DRD2: variants seen among roughly 807,000 people sequenced by gnomAD.
The protein encoded by DRD2 is dopamine receptor D2.
A neutral mutation model predicts 38.0 loss-of-function variants in DRD2; 8 were observed. The observed-to-expected ratio is 0.21, with a 90% CI of 0.12 to 0.38. The LOEUF (loss-of-function observed/expected upper bound fraction) is 0.38, where lower values mean the gene tolerates loss of function less well. Among genes scored for constraint, DRD2 ranks in the 10% least tolerant of loss-of-function variants. The pLI is 1.00. For synonymous variants in DRD2, 230 were observed against 238.6 expected, an observed-to-expected ratio of 0.96 and a Z score of 0.33; for missense variants, 403 against 607.7, an observed-to-expected ratio of 0.66 and a Z score of 3.54.
intron 1 of DRD2, among the ~76,000 whole-genome samples, chr11:113,455,232 A>G (rs1010336525): frequency 3.3e-5 from 5 of 152,080 alleles, no homozygotes; most frequent in African/African-American, 4.8e-5. Context: ...GCGTGGTGGC[A>G]GACGCCTGTA....
intron 1 of DRD2, among the ~76,000 whole-genome samples, 154 bp downstream of exon 1, chr11:113,474,922 G>C (rs1486748380): frequency 6.6e-6 from 1 of 151,956 alleles, no homozygotes; most frequent in Non-Finnish European, 1.5e-5. Context: ...CCGACGGGGA[G>C]CCCATGCAGA....
At chr11:113,450,371 C>A (rs1951199831) in intron 1 of DRD2, among the ~76,000 whole-genome samples, 1 of 152,184 alleles carries the variant, frequency 6.6e-6, no homozygotes. Context: ...GGTTATTACT[C>A]CCTCTTTAGG....
rs370321461 is a variant in DRD2 at position 113,412,823 on chromosome 11, C to T, written c.871G>A (p.Glu291Lys). The T allele has an allele frequency of 2.6e-5, 42 of 1,613,294 alleles. No individual in the cohort carries two copies. The highest frequency in any genetic ancestry group is 1.1e-4 in the East Asian group (5 of 44,846). Reference sequence around the variant, plus strand: ...GGGATGGGGCTGTACCGGGTCCTCTCGGGTGGGCTGGTGCTGGAGAGCATC... The same window carrying T: ...GGGATGGGGCTGTACCGGGTCCTCTTGGGTGGGCTGGTGCTGGAGAGCATC... The part of the protein sequence containing the change: ...MEMLSSTSPP[E>K]RTRYSPIPPS... Residue 291 changes from glutamate to lysine, a missense_variant, in exon 7 of 8, where the codon GAG becomes AAG. Glu to Lys is a moderately conservative substitution (Grantham distance 56, BLOSUM62 1). Around this residue, in one of 4 missense-constraint regions of DRD2, gnomAD observed 166 missense variants for 178.6 expected, o/e 0.93. Coordinates refer to ENST00000362072, the MANE Select transcript of DRD2 (RefSeq NM_000795.4).
chr11:113,428,780 T>C (rs923346490), intron 1 of DRD2, among the ~76,000 whole-genome samples: 2 of 152,150 alleles, frequency 1.3e-5, no homozygotes, highest in Admixed American at 1.3e-4. Flanking sequence ...TGTGCCACCA[T>C]GCCTGGCTAA....
chr11:113,458,660 T>C (rs912611985), intron 1 of DRD2, among the ~76,000 whole-genome samples: 2 of 152,050 alleles, frequency 1.3e-5, no homozygotes, highest in Admixed American at 6.6e-5. Flanking sequence ...TGTGTGTGCA[T>C]GTGTGTGTGT....
At chr11:113,451,803 T>C (rs1272342799) in intron 1 of DRD2, among the ~76,000 whole-genome samples, 1 of 152,258 alleles carries the variant, frequency 6.6e-6, no homozygotes, top group African/African-American at 2.4e-5. Flanking sequence ...TTTGTCATTC[T>C]GCTAGTTGTC....
In DRD2 at chr11:113,410,523, A is replaced by G. The variant is rs1950758249; in HGVS notation, c.*204T>C. On this transcript the variant is annotated 3_prime_UTR_variant, in exon 8 of 8. Transcript: ENST00000362072. ...GGGGCCCAGCCCCAGGGCTGGTACC[A>G]TGCCCAGCTCACTAGCACTGCCCTG... The G allele has an allele frequency of 2.8e-6, 2 of 705,372 alleles. No individual in the cohort carries two copies. Among genetic ancestry groups the G allele is most frequent in the South Asian group, 3.4e-5 (2 of 58,496 alleles). 43.7% of individuals were successfully genotyped at this position (705,372 alleles called of 1,614,324 possible).
Position 113,455,746 on chromosome 11 carries a change from A to G in DRD2, c.-32+19330T>C, listed in dbSNP as rs149296206. On this transcript the variant is annotated intron_variant, in intron 1 of 7. Transcript: ENST00000362072. ...TAAAACCACAATGAGATGTCACCTC[A>G]TGCTGGATAGAATGGCTATTATCAA... 5.0e-3 allele frequency among the ~76,000 whole-genome samples: 760 copies of G among 152,362 alleles called. 5 individuals carry two copies. Among genetic ancestry groups the G allele is most frequent in the African/African-American group, 0.017 (715 of 41,588 alleles).
At chr11:113,450,870 C>T (rs1489407505) in intron 1 of DRD2, among the ~76,000 whole-genome samples, 1 of 152,210 alleles carries the variant, frequency 6.6e-6, no homozygotes, top group African/African-American at 2.4e-5. Flanking sequence ...ACCAGGGTAA[C>T]TATGCATTGG....
chr11:113,465,050 G>A (rs1951354984), intron 1 of DRD2, among the ~76,000 whole-genome samples: 1 of 151,976 alleles, frequency 6.6e-6, no homozygotes, highest in Admixed American at 6.5e-5. Context: ...AACTCTCCTA[G>A]GTACTCTGCC....
At chr11:113,452,032 C>CCCCA (rs1951214380) in intron 1 of DRD2, among the ~76,000 whole-genome samples, 2 of 152,128 alleles carry the variant, frequency 1.3e-5, no homozygotes, top group Non-Finnish European at 2.9e-5. Flanking sequence ...TCAACTCACA[C>CCCCA]CCCAGCCTGC....
chr11:113,428,796 A>T (rs1375078634), intron 1 of DRD2, among the ~76,000 whole-genome samples: 3 of 152,060 alleles, frequency 2.0e-5, no homozygotes, highest in Admixed American at 2.0e-4. Flanking sequence ...GCTAATTTTT[A>T]AAAATGTTTT....
At chr11:113,429,591 C>G (rs1024028696) in intron 1 of DRD2, among the ~76,000 whole-genome samples, 1 of 152,120 alleles carries the variant, frequency 6.6e-6, no homozygotes, top group Non-Finnish European at 1.5e-5. Flanking sequence ...TGGTTTCTAT[C>G]GTGTCTTCAG....
At chr11:113,460,024 G>C (rs1951302980) in intron 1 of DRD2, among the ~76,000 whole-genome samples, 1 of 152,190 alleles carries the variant, frequency 6.6e-6, no homozygotes, top group African/African-American at 2.4e-5. Flanking sequence ...GAAATCTATG[G>C]GATTCCAGCT....
intron 1 of DRD2, among the ~76,000 whole-genome samples, chr11:113,432,726 G>C (rs11608109): frequency 0.42 from 64,061 of 151,994 alleles, 16,808 homozygotes; most frequent in Non-Finnish European, 0.6. Flanking sequence ...TCCTTTCCAG[G>C]ACCCTGGCGA....
chr11:113,420,720 A>G (rs577256989), intron 2 of DRD2, among the ~76,000 whole-genome samples: 1 of 152,316 alleles, frequency 6.6e-6, no homozygotes, highest in Non-Finnish European at 1.5e-5. Context: ...TAATTAGGTG[A>G]CAAGTACTTG....
intron 1 of DRD2, among the ~76,000 whole-genome samples, chr11:113,448,392 G>A (rs1007793054): frequency 3.9e-5 from 6 of 152,152 alleles, no homozygotes; most frequent in East Asian, 1.9e-4. Context: ...CTCAAGCTCC[G>A]GGGGAACTCC....
At chr11:113,455,534 T>A (rs1408601409) in intron 1 of DRD2, among the ~76,000 whole-genome samples, 1 of 152,088 alleles carries the variant, frequency 6.6e-6, no homozygotes, top group East Asian at 1.9e-4. Context: ...AAATCATACA[T>A]CAGATAAGGA....
At chr11:113,428,787 C>T (rs1565666204) in intron 1 of DRD2, among the ~76,000 whole-genome samples, 1 of 152,128 alleles carries the variant, frequency 6.6e-6, no homozygotes, top group Non-Finnish European at 1.5e-5. Context: ...CCATGCCTGG[C>T]TAATTTTTAA....
Sources: allele counts gnomAD v4.1 joint callset (sites outside exome capture counted in the v4.1 genomes callset), GRCh38; gene constraint gnomAD v4.1.1; regional missense constraint gnomAD v4.1.1; transcripts MANE v1.5; gene names NCBI Gene and HGNC (gene_info 2026-07-23, HGNC 2026-07-21).